MIPEP: variants seen among roughly 807,000 people sequenced by gnomAD.
MIPEP encodes the protein mitochondrial intermediate peptidase.
In MIPEP, 79 loss-of-function variants were observed where a neutral mutation model predicts 90.3. The observed-to-expected ratio is 0.87, with a 90% CI of 0.73 to 1.05. The LOEUF is 1.05. MIPEP is among the 50% of genes least tolerant of loss of function. The pLI, the probability that MIPEP is intolerant of heterozygous loss-of-function variation, is 0.00. For synonymous variants in MIPEP, 334 were observed against 315.8 expected, an observed-to-expected ratio of 1.06 and a Z score of -0.61; for missense variants, 940 against 905.6, an observed-to-expected ratio of 1.04 and a Z score of -0.49.
chr13:23,757,015 G>T (rs1243228428), intron 17 of MIPEP, among the ~76,000 whole-genome samples: 3 of 152,150 alleles, frequency 2.0e-5, no homozygotes, highest in Non-Finnish European at 4.4e-5. Flanking sequence ...GATGATTCAA[G>T]AACATTACAT....
intron 5 of MIPEP, among the ~76,000 whole-genome samples, chr13:23,874,368 T>C (rs147359084): frequency 6.6e-6 from 1 of 151,900 alleles, no homozygotes; most frequent in African/African-American, 2.4e-5. Flanking sequence ...CTTTGTCTTG[T>C]TTCCACATCT....
intron 5 of MIPEP, among the ~76,000 whole-genome samples, chr13:23,873,479 T>C (rs920664479): frequency 6.6e-6 from 1 of 152,216 alleles, no homozygotes; most frequent in African/African-American, 2.4e-5. Context: ...TCTACAGCCT[T>C]GGTCTAAAAA....
intron 14 of MIPEP, among the ~76,000 whole-genome samples, chr13:23,818,103 A>G (rs916482650): frequency 2.0e-5 from 3 of 152,160 alleles, no homozygotes; most frequent in Admixed American, 6.6e-5. Flanking sequence ...GTTAAAAGAA[A>G]AACTTTGGAC....
chr13:23,832,948 C>T (rs934432921), intron 14 of MIPEP, among the ~76,000 whole-genome samples: 1 of 152,210 alleles, frequency 6.6e-6, no homozygotes, highest in African/African-American at 2.4e-5. Context: ...GATAAGCATA[C>T]TTCTAATTCT....
At chr13:23,786,612 T>C (rs1394560497) in intron 16 of MIPEP, among the ~76,000 whole-genome samples, 1 of 151,112 alleles carries the variant, frequency 6.6e-6, no homozygotes, top group Non-Finnish European at 1.5e-5. Context: ...ATAATAAAAA[T>C]AGGCATTTCA....
chr13:23,784,552 C>T (rs1952816843), intron 16 of MIPEP, among the ~76,000 whole-genome samples: 1 of 152,040 alleles, frequency 6.6e-6, no homozygotes, highest in South Asian at 2.1e-4. Context: ...AAAACCTAGG[C>T]AATACCATTC....
rs367741243 is a variant in MIPEP at position 23,796,193 on chromosome 13, C to T, written c.1848+9757G>A. Among the ~76,000 whole-genome samples the T allele has an allele frequency of 9.4e-5, 14 of 148,730 alleles. No individual in the cohort carries two copies. The East Asian group carries it at 1.7e-3, about 18-fold the overall frequency. On this transcript the variant is annotated intron_variant, in intron 16 of 18. Coordinates refer to ENST00000382172, the MANE Select transcript of MIPEP (RefSeq NM_005932.4). Reference sequence around the variant, plus strand: ...CAGCACTTTGGGAGGCCGAGGTGGGCGGATAACTTGAGGCCAGGAGTTCAA... The same window carrying T: ...CAGCACTTTGGGAGGCCGAGGTGGGTGGATAACTTGAGGCCAGGAGTTCAA...
At chr13:23,822,015 G>C (rs992665445) in intron 14 of MIPEP, among the ~76,000 whole-genome samples, 1 of 152,170 alleles carries the variant, frequency 6.6e-6, no homozygotes, top group Admixed American at 6.5e-5. Context: ...AAGCAATAAA[G>C]GAATTTAGAA....
Position 23,730,349 on chromosome 13 carries a change from T to A in MIPEP, c.2141A>T (p.Ter714LeuextTer14). 1 of 1,603,778 alleles carries A rather than the reference T, an allele frequency of 6.2e-7. No homozygotes were observed. The highest frequency in any genetic ancestry group is 8.5e-7 in the Non-Finnish European group (1 of 1,171,910). ...TTTAAGAGGTGTAGAGTGTTTCTTT[T>A]ATTCAGAATCCATGAGGAAAGTTTC... ...DFETFLMDSE[*>L] The change falls in exon 19 of 19, where the codon TAA becomes TTA. Residue 714 changes from the stop codon to leucine (L), a stop_lost. Coordinates refer to ENST00000382172, the MANE Select transcript of MIPEP (RefSeq NM_005932.4).
intron 14 of MIPEP, among the ~76,000 whole-genome samples, chr13:23,826,926 G>GT (rs1346587597): frequency 1.3e-5 from 2 of 152,194 alleles, no homozygotes; most frequent in Non-Finnish European, 2.9e-5. Context: ...AACTGCATCT[G>GT]TATCGAACAT....
chr13:23,858,042 CTACT>C (rs1027595104), intron 10 of MIPEP, among the ~76,000 whole-genome samples: 3 of 151,966 alleles, frequency 2.0e-5, no homozygotes, highest in Non-Finnish European at 2.9e-5. Context: ...CTTAACTCTC[CTACT>C]TAAACAGCAT....
Position 23,730,445 on chromosome 13 carries a change from C to G in MIPEP, c.2045G>C (p.Gly682Ala), listed in dbSNP as rs150308123. 6.2e-7 allele frequency: 1 copy of G among 1,607,544 alleles called. No individual in the cohort carries two copies. Among genetic ancestry groups the G allele is most frequent in the Admixed American group, 1.7e-5 (1 of 59,976 alleles). ...GGREPMLMVE[G>A]MLQKCPSVDD... ...AACAGAAGGACACTTCTGAAGCATA[C>G]CTGCAAACAAAGGAAAGGTCAGAAC... Residue 682 changes from glycine to alanine, a missense_variant and splice_region_variant, in exon 19 of 19, where the codon GGT (glycine) becomes GCT (alanine). Gly to Ala is a moderately conservative substitution (Grantham distance 60, BLOSUM62 0). Transcript: ENST00000382172.
At chr13:23,783,436 T>G (rs1952802696) in intron 16 of MIPEP, among the ~76,000 whole-genome samples, 1 of 152,218 alleles carries the variant, frequency 6.6e-6, no homozygotes, top group Non-Finnish European at 1.5e-5. Context: ...AATTAGGTAT[T>G]GATGGGACAT....
At chr13:23,845,639 C>T (rs1396090611) in intron 10 of MIPEP, among the ~76,000 whole-genome samples, 2 of 152,086 alleles carry the variant, frequency 1.3e-5, no homozygotes, top group African/African-American at 4.8e-5. Flanking sequence ...GAAGAAATGG[C>T]ATTGCTGCAA....
At chr13:23,874,543 T>C (rs960813160) in intron 5 of MIPEP, among the ~76,000 whole-genome samples, 1 of 152,224 alleles carries the variant, frequency 6.6e-6, no homozygotes, top group Non-Finnish European at 1.5e-5. Flanking sequence ...TGACATCAGC[T>C]TTCCCATTCA....
chr13:23,784,165 A>G (rs564102263), intron 16 of MIPEP, among the ~76,000 whole-genome samples: 1 of 152,344 alleles, frequency 6.6e-6, no homozygotes, highest in Admixed American at 6.5e-5. Flanking sequence ...ACCAAAAAAG[A>G]GCCCGCATTG....
intron 7 of MIPEP, among the ~76,000 whole-genome samples, chr13:23,866,436 C>G (rs913475242): frequency 6.6e-6 from 1 of 152,290 alleles, no homozygotes; most frequent in South Asian, 2.1e-4. Flanking sequence ...CTGCCAGTCA[C>G]GGAATCTGGA....
At chr13:23,884,480 G>A (rs1362562419) in intron 2 of MIPEP, among the ~76,000 whole-genome samples, 2 of 152,168 alleles carry the variant, frequency 1.3e-5, no homozygotes, top group African/African-American at 2.4e-5. Context: ...GAAATGGTTG[G>A]AACAGGAGAA....
At position 23,760,230 on chromosome 13, in the gene MIPEP, G is replaced by C. The variant is rs1485881579; in HGVS notation, c.1849-13C>G. ...GCAGCTGCCAGGCCTGCCAAGAACA[G>C]AGAGACACAGCACGGGACACAAGTC... On this transcript the variant is annotated splice_polypyrimidine_tract_variant and intron_variant, in intron 16 of 18. Transcript: ENST00000382172. 1 of 1,613,720 alleles carries C rather than the reference G, an allele frequency of 6.2e-7. No homozygotes were observed. The highest frequency in any genetic ancestry group is 8.5e-7 in the Non-Finnish European group (1 of 1,179,910).
Sources: allele counts gnomAD v4.1 joint callset (sites outside exome capture counted in the v4.1 genomes callset), GRCh38; gene constraint gnomAD v4.1.1; transcripts MANE v1.5; gene names NCBI Gene and HGNC (gene_info 2026-07-23, HGNC 2026-07-21).